Variants in KCNQ5 observed in about 807,000 individuals in gnomAD.
KCNQ5 encodes the protein potassium voltage-gated channel subfamily Q member 5, also known as potassium voltage-gated channel subfamily KQT member 5.
A neutral mutation model predicts 98.2 loss-of-function variants in KCNQ5; 30 were observed. The ratio of observed to expected loss-of-function variants is 0.31; its 90% CI spans 0.23 to 0.41. The LOEUF is 0.41. KCNQ5 is among the 10% of genes least tolerant of loss of function. KCNQ5 has a pLI of 1.00. For synonymous variants in KCNQ5, 458 were observed against 449.4 expected (o/e 1.02, Z -0.24); for missense variants, 835 against 1,182.5 (o/e 0.71, Z 4.31).
intron 7 of KCNQ5, among the ~76,000 whole-genome samples, chr6:73,118,881 T>C (rs1489528056): frequency 6.6e-6 from 1 of 151,960 alleles, no homozygotes; most frequent in Admixed American, 6.6e-5. Context: ...ATTAGCTGGA[T>C]GTGGTGGTGC....
intron 1 of KCNQ5, among the ~76,000 whole-genome samples, chr6:72,753,602 A>T (rs935881084): frequency 3.9e-5 from 6 of 152,068 alleles, no homozygotes; most frequent in Non-Finnish European, 8.8e-5. Context: ...CTTGCTGGTG[A>T]TTGTTTATAA....
At chr6:73,149,680 CCCG>C (rs1777067248) in intron 10 of KCNQ5, among the ~76,000 whole-genome samples, 1 of 151,912 alleles carries the variant, frequency 6.6e-6, no homozygotes, top group African/African-American at 2.4e-5. Flanking sequence ...GCCTGTAATC[CCCG>C]CTACTCAGGA....
chr6:72,857,343 T>C (rs113383195), intron 1 of KCNQ5, among the ~76,000 whole-genome samples: 113 of 152,322 alleles, frequency 7.4e-4, no homozygotes, highest in African/African-American at 2.4e-3. Flanking sequence ...TTAAAAAATT[T>C]TAAAGGACAC....
At chr6:72,877,776 T>C (rs1778475992) in intron 1 of KCNQ5, among the ~76,000 whole-genome samples, 1 of 152,238 alleles carries the variant, frequency 6.6e-6, no homozygotes, top group Non-Finnish European at 1.5e-5. Context: ...AATGAGATGG[T>C]ATCTTGTTGT....
rs548674226 is a variant in KCNQ5 at position 73,133,313 on chromosome 6, A to C, written c.1248-108A>C. The C allele has an allele frequency of 3.5e-4, 323 of 912,630 alleles. 3 individuals are homozygous for C. The African/African-American group carries it at 5.1e-3, about 14-fold the overall frequency. 56.5% of individuals were successfully genotyped at this position (912,630 alleles called of 1,614,324 possible). On this transcript the variant is annotated intron_variant, in intron 9 of 13. Coordinates refer to ENST00000370398, the MANE Select transcript of KCNQ5 (RefSeq NM_019842.4). ...TGCTATGCTCCTACGTGCTGAAAAC[A>C]TCTTGTCTATTGAAATATATGACCA... is the stretch of plus-strand genomic sequence containing the variant.
intron 3 of KCNQ5, among the ~76,000 whole-genome samples, chr6:73,053,812 G>T (rs991015950): frequency 1.3e-5 from 2 of 151,878 alleles, no homozygotes; most frequent in Non-Finnish European, 2.9e-5. Flanking sequence ...AGAGCAGATC[G>T]ACCCCAAAGC....
chr6:72,959,293 T>G (rs1767227692), intron 1 of KCNQ5, among the ~76,000 whole-genome samples: 1 of 152,234 alleles, frequency 6.6e-6, no homozygotes, highest in Non-Finnish European at 1.5e-5. Context: ...TTTGCTGTTT[T>G]GTATTTGATA....
chr6:72,856,433 T>C (rs929747922), intron 1 of KCNQ5, among the ~76,000 whole-genome samples: 1 of 147,136 alleles, frequency 6.8e-6, no homozygotes, highest in Non-Finnish European at 1.5e-5. Flanking sequence ...GCAATATATA[T>C]GTATGTATAC....
rs572601770 is a variant in KCNQ5, at chr6:72,960,576, C to A, written c.399-43332C>A. 1.3e-3 allele frequency among the ~76,000 whole-genome samples: 200 copies of A among 152,110 alleles called. 1 individual carries two copies. The highest frequency in any genetic ancestry group is 4.6e-3 in the African/African-American group (192 of 41,526). On this transcript the variant is annotated intron_variant, in intron 1 of 13. Coordinates refer to ENST00000370398, the MANE Select transcript of KCNQ5 (RefSeq NM_019842.4). ...TCCCGAGTAGCTGGGATTACAGGCA[C>A]CCACCACCATACCTGGCTAATTTGT...
At chr6:72,752,459 A>T (rs960118082) in intron 1 of KCNQ5, among the ~76,000 whole-genome samples, 6 of 152,244 alleles carry the variant, frequency 3.9e-5, no homozygotes, top group East Asian at 1.9e-4. Flanking sequence ...TGCTTTCTTT[A>T]GGTAACAACT....
intron 10 of KCNQ5, among the ~76,000 whole-genome samples, chr6:73,157,269 GAGA>G (rs1331597910): frequency 6.6e-6 from 1 of 152,222 alleles, no homozygotes; most frequent in African/African-American, 2.4e-5. Context: ...GCGCCTCAGC[GAGA>G]AGGTCCCCAA....
At chr6:72,623,353 C>G (rs1446926360) in intron 1 of KCNQ5, among the ~76,000 whole-genome samples, 1 of 147,596 alleles carries the variant, frequency 6.8e-6, no homozygotes, top group East Asian at 2.0e-4. Context: ...AGAGATCGGG[C>G]AGTGGGTTAA....
At chr6:72,729,549 G>A (rs150741226) in intron 1 of KCNQ5, among the ~76,000 whole-genome samples, 20 of 152,192 alleles carry the variant, frequency 1.3e-4, no homozygotes, top group African/African-American at 4.6e-4. Context: ...GATTACAGGC[G>A]TGAGCCACCA....
intron 1 of KCNQ5, chr6:72,987,542 G>A (rs60061207): frequency 3.0e-5 from 20 of 656,886 alleles, no homozygotes; most frequent in East Asian, 1.4e-4. Context: ...TCCAAGCCCC[G>A]CAGCACGATT....
At chr6:72,754,665 T>C (rs1771865801) in intron 1 of KCNQ5, among the ~76,000 whole-genome samples, 1 of 152,030 alleles carries the variant, frequency 6.6e-6, no homozygotes, top group Admixed American at 6.6e-5. Flanking sequence ...AATGTTGCTG[T>C]ATGGGATCTC....
intron 1 of KCNQ5, among the ~76,000 whole-genome samples, chr6:72,747,030 A>G (rs1771440303): frequency 6.6e-6 from 1 of 152,138 alleles, no homozygotes; most frequent in Non-Finnish European, 1.5e-5. Context: ...TATAATCCTT[A>G]TATTTATGTT....
At chr6:72,943,810 AT>A (rs1188565445) in intron 1 of KCNQ5, among the ~76,000 whole-genome samples, 2 of 152,228 alleles carry the variant, frequency 1.3e-5, no homozygotes, top group Non-Finnish European at 2.9e-5. Context: ...GACTGCTAAG[AT>A]TTAGCTCCTA....
chr6:72,753,192 G>T (rs1425439337), intron 1 of KCNQ5, among the ~76,000 whole-genome samples: 1 of 152,010 alleles, frequency 6.6e-6, no homozygotes, highest in Non-Finnish European at 1.5e-5. Flanking sequence ...CACATAACAG[G>T]AATCATACAG....
At chr6:73,158,123 C>A (rs1336863618) in intron 10 of KCNQ5, 2 of 410,706 alleles carry the variant, frequency 4.9e-6, no homozygotes, top group South Asian at 2.1e-5. Flanking sequence ...CTCGCCCTCC[C>A]GCTACAGGTT....
Sources: gnomAD v4.1 joint callset for allele counts (sites outside exome capture counted in the v4.1 genomes callset) on GRCh38, gnomAD v4.1.1 for gene constraint, MANE v1.5 for transcripts, NCBI Gene and HGNC (gene_info 2026-07-23, HGNC 2026-07-21) for gene names.